Variants in KIAA0586 observed in about 807,000 individuals in gnomAD.
KIAA0586 encodes KIAA0586, also known as protein TALPID3.
KIAA0586 carries 144 observed loss-of-function variants against 169.8 expected under a neutral mutation model. The observed-to-expected ratio is 0.85, with a 90% CI of 0.74 to 0.97. KIAA0586 has a LOEUF of 0.97. Ranked by LOEUF, KIAA0586 falls within the 50% of genes least tolerant of loss-of-function variation. The pLI is 0.00. For synonymous variants in KIAA0586, 625 were observed against 612.4 expected, an observed-to-expected ratio of 1.02 and a Z score of -0.30; for missense variants, 1,854 against 1,823.0, an observed-to-expected ratio of 1.02 and a Z score of -0.31.
intron 7 of KIAA0586, among the ~76,000 whole-genome samples, 170 bp from the exon 8 acceptor site, chr14:58,450,409 T>G (rs2039268380): frequency 2.0e-5 from 3 of 152,194 alleles, no homozygotes. Context: ...ATGTTTGTAG[T>G]CTTCATTTCT....
In KIAA0586 at chr14:58,447,243, A is replaced by C. The variant is rs970971559; in HGVS notation, c.808-1097A>C. ...AACACACTTTTAGAAATTCTGTAAA[A>C]CTATAAATTTTTTTAGGTTTTTCTT... On this transcript the variant is annotated intron_variant, in intron 6 of 30. Coordinates refer to ENST00000652326, the MANE Select transcript of KIAA0586 (RefSeq NM_001329943.3). 2.6e-5 allele frequency among the ~76,000 whole-genome samples: 4 copies of C among 152,166 alleles called. No individual in the cohort carries two copies. The South Asian group carries it at 6.2e-4, about 24-fold the overall frequency.
chr14:58,547,886 G>C lies in KIAA0586; in HGVS notation c.4601G>C (p.Ser1534Thr). 1 of 1,613,734 alleles carries C rather than the reference G, an allele frequency of 6.2e-7. No individual in the cohort carries two copies. The highest frequency in any genetic ancestry group is 8.5e-7 in the Non-Finnish European group (1 of 1,179,758). Residue 1534 changes from serine to threonine, a missense_variant, in exon 31 of 31, where the codon AGC (serine) becomes ACC (threonine). Ser to Thr is a moderately conservative substitution (Grantham distance 58). Transcript: ENST00000652326. ...GACTGCTCTCAGTCTCTGAGTCTCA[G>C]CACAATGCAGGAGGACATGGAGTCT... ...LEDCSQSLSLSTMQEDMESSG... is the reference protein window; with the variant it reads ...LEDCSQSLSLTTMQEDMESSG...
intron 6 of KIAA0586, among the ~76,000 whole-genome samples, chr14:58,447,768 A>G (rs1595134264): frequency 6.6e-6 from 1 of 152,190 alleles, no homozygotes; most frequent in Non-Finnish European, 1.5e-5. Context: ...GGCTTGAGCC[A>G]CTGCACCGGG....
intron 21 of KIAA0586, among the ~76,000 whole-genome samples, chr14:58,484,957 G>T (rs1387236086): frequency 2.7e-5 from 1 of 37,136 alleles, no homozygotes; most frequent in Non-Finnish European, 5.6e-5. Flanking sequence ...TTTTTGAGAT[G>T]GAGTTTTGCT....
chr14:58,547,684 G>GCCCCCCCCCCC, intron 30 of KIAA0586, 97 bp from the exon 31 acceptor site: 1 of 946,968 alleles, frequency 1.1e-6, no homozygotes, highest in Non-Finnish European at 1.6e-6. Context: ...TGGAATCCGC[G>GCCCCCCCCCCC]CCCCCCCACC....
intron 20 of KIAA0586, among the ~76,000 whole-genome samples, chr14:58,480,346 TA>T (rs35326005): frequency 0.32 from 46,567 of 145,960 alleles, 7,371 homozygotes; most frequent in South Asian, 0.43. Context: ...CTTCCTCTTT[TA>T]AAAAAAAAAA....
Position 58,430,670 on chromosome 14 carries a change from T to C in KIAA0586, c.293T>C (p.Val98Ala). 6.2e-7 allele frequency: 1 copy of C among 1,604,774 alleles called. No homozygotes were observed. ...AAGGATTTTTCTAAAGACGTTGCAG[T>C]GCAAGTGTTGCCTTTGGATAAAATA... The part of the protein sequence containing the change: ...SESDFSKDVA[V>A]QVLPLDKIEE... Residue 98 changes from valine to alanine, a missense_variant, in exon 3 of 31, where the codon GTG (valine) becomes GCG (alanine). By Grantham distance (64) the Val-to-Ala change is moderately conservative (BLOSUM62 0). Transcript: ENST00000652326.
At chr14:58,440,172 T>C (rs2038195122) in intron 4 of KIAA0586, 1 of 447,706 alleles carries the variant, frequency 2.2e-6, no homozygotes, top group Non-Finnish European at 4.5e-6. Context: ...CATGTAGCAC[T>C]ACACCCACCT....
At chr14:58,507,325 A>G (rs2044058088) in intron 27 of KIAA0586, among the ~76,000 whole-genome samples, 2 of 146,482 alleles carry the variant, frequency 1.4e-5, no homozygotes, top group South Asian at 4.2e-4. Context: ...ATATATTTAT[A>G]TATGATATAT....
At position 58,549,778 on chromosome 14, in the gene KIAA0586, C is replaced by G. The variant is rs1195743652; in HGVS notation, c.*1846C>G. ...TTAAACATGACACCCCACCCCCCAACCTTGGTTTCTGGTTTTCATAGTTTT... is the reference window on the plus strand; with the variant it reads ...TTAAACATGACACCCCACCCCCCAAGCTTGGTTTCTGGTTTTCATAGTTTT... On this transcript the variant is annotated 3_prime_UTR_variant, in exon 31 of 31. Coordinates refer to ENST00000652326, the MANE Select transcript of KIAA0586 (RefSeq NM_001329943.3). 1.3e-5 allele frequency: 2 copies of G among 152,178 alleles called. No individual in the cohort carries two copies. The highest frequency in any genetic ancestry group is 2.9e-5 in the Non-Finnish European group (2 of 68,042). 9.4% of individuals were successfully genotyped at this position (152,178 alleles called of 1,614,324 possible).
chr14:58,447,628 C>T (rs1039215138), intron 6 of KIAA0586, among the ~76,000 whole-genome samples: 5 of 151,772 alleles, frequency 3.3e-5, no homozygotes, highest in African/African-American at 1.2e-4. Flanking sequence ...TTACAGGCTC[C>T]CACCACCACA....
chr14:58,451,242 A>G lies in KIAA0586; in HGVS notation c.1129+496A>G, dbSNP rs562021362. Among the ~76,000 whole-genome samples, 5 of 151,954 alleles carry G rather than the reference A, an allele frequency of 3.3e-5. No individual in the cohort carries two copies. In the East Asian group the frequency reaches 7.8e-4, roughly 24 times the overall value. On this transcript the variant is annotated intron_variant, in intron 8 of 30. Coordinates refer to ENST00000652326, the MANE Select transcript of KIAA0586 (RefSeq NM_001329943.3). Reference sequence around the variant, plus strand: ...TTTTGTTAATTTTTATTTATTTTTTATGAGACAAGGTCTCACTCTGTCACC... The same window carrying G: ...TTTTGTTAATTTTTATTTATTTTTTGTGAGACAAGGTCTCACTCTGTCACC...
At chr14:58,539,257 T>G (rs988021490) in intron 29 of KIAA0586, among the ~76,000 whole-genome samples, 2 of 152,064 alleles carry the variant, frequency 1.3e-5, no homozygotes, top group African/African-American at 4.8e-5. Context: ...CTGAAATTTT[T>G]GTGAAATAAA....
Position 58,481,600 on chromosome 14 carries a change from C to T in KIAA0586, c.2945-913C>T, listed in dbSNP as rs534040730. Among the ~76,000 whole-genome samples the T allele has an allele frequency of 1.2e-3, 187 of 152,072 alleles. 1 individual carries two copies. Among genetic ancestry groups the T allele is most frequent in the African/African-American group, 3.4e-3 (140 of 41,474 alleles). ...ATTCAGATGAGGGCATTTAATGTGCCCATTTTTATCACTAAATTCTGTAGT... is the reference window on the plus strand; with the variant it reads ...ATTCAGATGAGGGCATTTAATGTGCTCATTTTTATCACTAAATTCTGTAGT... On this transcript the variant is annotated intron_variant, in intron 20 of 30. Transcript: ENST00000652326.
chr14:58,464,663 A>G (rs2040595570), intron 14 of KIAA0586, among the ~76,000 whole-genome samples: 1 of 152,190 alleles, frequency 6.6e-6, no homozygotes, highest in African/African-American at 2.4e-5. Flanking sequence ...AAAAATGTAC[A>G]GCAGTCCCCC....
intron 4 of KIAA0586, chr14:58,441,107 ATT>A (rs71107948): frequency 1.4e-5 from 3 of 207,082 alleles, no homozygotes; most frequent in Non-Finnish European, 3.1e-5. Context: ...AATATATACA[ATT>A]TTTTTTCAAT....
Position 58,465,993 on chromosome 14 carries a change from T to C in KIAA0586, c.2218T>C (p.Leu740=), listed in dbSNP as rs772781601. 2.5e-6 allele frequency: 4 copies of C among 1,612,522 alleles called. No individual in the cohort carries two copies. The highest frequency in any genetic ancestry group is 3.4e-6 in the Non-Finnish European group (4 of 1,179,362). The change falls in exon 15 of 31, where the codon TTG becomes CTG. Residue 740 remains leucine, a synonymous_variant. Transcript: ENST00000652326. ...SREMPTFSGT[L]EGHLIPMAIL... ...AGAAATGCCTACTTTTTCAGGTACATTGGAAGGTCATCTGATTCCTATGGC... is the reference window on the plus strand; with the variant it reads ...AGAAATGCCTACTTTTTCAGGTACACTGGAAGGTCATCTGATTCCTATGGC...
At chr14:58,553,218 T>C (rs930683853), downstream of KIAA0586, among the ~76,000 whole-genome samples, 7 of 152,348 alleles carry the variant, frequency 4.6e-5, no homozygotes, top group South Asian at 4.1e-4. Flanking sequence ...ATTTGTGGTA[T>C]GCTCTAAAGT....
chr14:58,518,775 T>C (rs750906696), intron 29 of KIAA0586, among the ~76,000 whole-genome samples: 26 of 152,188 alleles, frequency 1.7e-4, no homozygotes, highest in Admixed American at 2.0e-4. Context: ...GAAAACGTCT[T>C]ATTCATTTTA....
Sources: gnomAD v4.1 joint callset for allele counts (sites outside exome capture counted in the v4.1 genomes callset) on GRCh38, gnomAD v4.1.1 for gene constraint, MANE v1.5 for transcripts, NCBI Gene and HGNC (gene_info 2026-07-23, HGNC 2026-07-21) for gene names.